ZNF263: variants seen among roughly 807,000 people sequenced by gnomAD.
ZNF263 encodes the protein zinc finger protein 263, also known as zinc finger protein FPM315.
Under a neutral mutation model 63.1 loss-of-function variants are expected in ZNF263, and 49 were observed. The observed-to-expected ratio is 0.78, with a 90% CI of 0.62 to 0.99. The LOEUF is 0.99. Among genes scored for constraint, ZNF263 ranks in the 50% least tolerant of loss-of-function variants. The pLI, the probability that ZNF263 is intolerant of heterozygous loss-of-function variation, is 0.00. For synonymous variants in ZNF263, 352 were observed against 324.2 expected (o/e 1.09, Z -0.92); for missense variants, 872 against 854.8 (o/e 1.02, Z -0.25).
chr16:3,298,948 A>G, intron 1 of ZNF263: 1 of 1,143,954 alleles, frequency 8.7e-7, no homozygotes, highest in Admixed American at 3.1e-5. Flanking sequence ...AATGGCAGAA[A>G]TCTTTAAACA....
In ZNF263 at chr16:3,283,968, A is replaced by G; in HGVS notation, c.150A>G (p.Gln50=). Residue 50 remains glutamine (Q), a synonymous_variant, in exon 1 of 6, where the codon CAA becomes CAG. Transcript: ENST00000219069. ...TGCGCTTCAGACGGTTCCGCTTCCAAGAGGCAGCTGGTCCCCGGGAAGCCC... is the reference window on the plus strand; with the variant it reads ...TGCGCTTCAGACGGTTCCGCTTCCAGGAGGCAGCTGGTCCCCGGGAAGCCC... ...SHLRFRRFRF[Q]EAAGPREALS... is the part of the protein sequence containing the mutation. The G allele has an allele frequency of 4.3e-6, 7 of 1,613,928 alleles. No homozygotes were observed. In the South Asian group the frequency reaches 5.5e-5, roughly 13 times the overall value.
At position 3,285,694 on chromosome 16, in the gene ZNF263, C is replaced by G; in HGVS notation, c.582C>G (p.Pro194=). The change falls in exon 3 of 6, where the codon CCC becomes CCG. Residue 194 remains proline, a synonymous_variant. Transcript: ENST00000219069. ...QAVKERALSA[P]WLSLFPPEGN... is the part of the protein sequence containing the mutation. The stretch of plus-strand genomic sequence containing the variant: ...TGTCACCTTCAGCATTATCTGCTCC[C>G]TGGCTTTCTCTTTTTCCTCCTGAAG... 6.2e-7 allele frequency: 1 copy of G among 1,614,158 alleles called. No individual in the cohort carries two copies. The highest frequency in any genetic ancestry group is 1.3e-5 in the African/African-American group (1 of 75,022).
At chr16:3,296,400 C>T (rs964153593), downstream of ZNF263, among the ~76,000 whole-genome samples, 11 of 152,174 alleles carry the variant, frequency 7.2e-5, no homozygotes, top group East Asian at 1.7e-3. Context: ...CCTCCACTTC[C>T]ACAATCCATC....
intron 1 of ZNF263, among the ~76,000 whole-genome samples, chr16:3,297,973 T>C (rs1162935169): frequency 6.6e-6 from 1 of 152,192 alleles, no homozygotes; most frequent in Non-Finnish European, 1.5e-5. Context: ...ATTGGTGCAT[T>C]GGGAGAAGTA....
chr16:3,289,764 C>T lies in ZNF263; in HGVS notation c.1258C>T (p.Arg420Cys), dbSNP rs371017559. 9.5e-5 allele frequency: 154 copies of T among 1,614,214 alleles called. No homozygotes were observed. The highest frequency in any genetic ancestry group is 1.6e-4 in the Middle Eastern group (1 of 6,062). Residue 420 changes from arginine (R) to cysteine (C), a missense_variant, in exon 6 of 6, where the codon CGT becomes TGT. Coordinates refer to ENST00000219069, the MANE Select transcript of ZNF263 (RefSeq NM_005741.5). ...DCTEIFGGNP[R>C]FLSLHRAHLG... is the part of the protein sequence containing the mutation. ...CACTGAAATCTTTGGTGGGAACCCA[C>T]GTTTCCTGTCACTACACAGAGCACA... is the stretch of plus-strand genomic sequence containing the variant.
downstream of ZNF263, among the ~76,000 whole-genome samples, chr16:3,291,972 C>T (rs893880192): frequency 6.6e-6 from 1 of 152,158 alleles, no homozygotes; most frequent in African/African-American, 2.4e-5. Flanking sequence ...TGGGGTCTCA[C>T]TATTTGCCCA....
chr16:3,300,504 G>A, intron 2 of ZNF263: 1 of 1,613,948 alleles, frequency 6.2e-7, no homozygotes, highest in Middle Eastern at 1.6e-4. Flanking sequence ...TTGACTTACT[G>A]ATTCCAAATT....
intron 2 of ZNF263, 138 bp downstream of exon 2, chr16:3,285,377 C>A: frequency 1.9e-6 from 2 of 1,072,310 alleles, no homozygotes; most frequent in Non-Finnish European, 2.6e-6. Context: ...GAAAGACCTG[C>A]AGTTGGTGGT....
At chr16:3,285,908 C>T (rs1959335201) in intron 3 of ZNF263, 115 bp from the exon 4 acceptor site, 1 of 1,578,580 alleles carries the variant, frequency 6.3e-7, no homozygotes, top group South Asian at 1.1e-5. Context: ...GCCTGATACC[C>T]TTCTTCCCCC....
chr16:3,301,129 T>C (rs1181300881), exon 3 of ZNF263: 1 of 167,682 alleles, frequency 6.0e-6, no homozygotes, highest in Non-Finnish European at 1.5e-5. Flanking sequence ...AGATGCAATG[T>C]GGCTTCTCCC....
At position 3,285,184 on chromosome 16, in the gene ZNF263, G is replaced by A. The variant is rs1959298935; in HGVS notation, c.513G>A (p.Leu171=). Reference sequence around the variant, plus strand: ...CTGAGCGAAGCCCTGGCCCCAGGCTGCAGGAGCTGCTAGGCCCCAGCCCCC... The same window carrying A: ...CTGAGCGAAGCCCTGGCCCCAGGCTACAGGAGCTGCTAGGCCCCAGCCCCC... ...METERSPGPR[L]QELLGPSPQR... is the part of the protein sequence containing the mutation. Residue 171 remains leucine (L), a synonymous_variant, in exon 2 of 6, where the codon CTG becomes CTA. Transcript: ENST00000219069. 6.2e-7 allele frequency: 1 copy of A among 1,613,882 alleles called. No homozygotes were observed.
At chr16:3,285,585 A>G in intron 2 of ZNF263, 96 bp from the exon 3 acceptor site, 2 of 1,270,086 alleles carry the variant, frequency 1.6e-6, no homozygotes, top group African/African-American at 2.9e-5. Flanking sequence ...CCAAAAGCAG[A>G]GGCTGGGTGT....
At chr16:3,286,417 G>A (rs74003349) in intron 4 of ZNF263, 5,137 of 297,844 alleles carry the variant, frequency 0.017, 271 homozygotes, top group African/African-American at 0.1. Context: ...AACCCAATGC[G>A]GTGACAACCT....
In ZNF263 at chr16:3,286,115, G is replaced by A. The variant is rs199602426; in HGVS notation, c.735G>A (p.Thr245=). 4.4e-6 allele frequency: 7 copies of A among 1,606,226 alleles called. No homozygotes were observed. The highest frequency in any genetic ancestry group is 2.2e-5 in the South Asian group (2 of 89,904). The part of the protein sequence containing the change: ...DPSKRALSRD[T]VQESYENVDS... Reference sequence around the variant, plus strand: ...GTAAGAGGGCCCTCTCCAGGGACACGGTGCAGGAGAGTTATGAGAATGTGG... The same window carrying A: ...GTAAGAGGGCCCTCTCCAGGGACACAGTGCAGGAGAGTTATGAGAATGTGG... Residue 245 remains threonine, a synonymous_variant, in exon 4 of 6, where the codon ACG becomes ACA. Coordinates refer to ENST00000219069, the MANE Select transcript of ZNF263 (RefSeq NM_005741.5).
At chr16:3,284,230 A>G (rs1959256704) in intron 1 of ZNF263, 25 bp downstream of exon 1, 1 of 1,505,640 alleles carries the variant, frequency 6.6e-7, no homozygotes, top group Non-Finnish European at 8.9e-7. Flanking sequence ...GAGCTGTTTT[A>G]TCTGTGGTTT....
exon 3 of ZNF263, chr16:3,301,350 T>G (rs1214389736): frequency 6.0e-6 from 1 of 167,140 alleles, no homozygotes; most frequent in Non-Finnish European, 1.5e-5. Context: ...GTTGTACATA[T>G]GAATGAAATC....
downstream of ZNF263, among the ~76,000 whole-genome samples, chr16:3,294,562 T>C (rs1959696208): frequency 6.6e-6 from 1 of 152,226 alleles, no homozygotes; most frequent in South Asian, 2.1e-4. Context: ...ACTTCTGTTC[T>C]TGAAAGGGCG....
intron 4 of ZNF263, 112 bp downstream of exon 4, chr16:3,286,261 A>T: frequency 7.0e-7 from 1 of 1,437,830 alleles, no homozygotes; most frequent in Non-Finnish European, 9.2e-7. Context: ...AAGCCTCCAC[A>T]GGAGACTTCC....
At position 3,285,117 on chromosome 16, in the gene ZNF263, C is replaced by G. The variant is rs200922031; in HGVS notation, c.446C>G (p.Thr149Arg). The G allele has an allele frequency of 1.5e-5, 24 of 1,614,136 alleles. No homozygotes were observed. The highest frequency in any genetic ancestry group is 1.8e-5 in the Non-Finnish European group (21 of 1,180,042). ...TTGGAGGAGCCTTTGCCTCTGGAAA[C>G]AGCACGAGAGTCACCGAGCTTCAAG... Reference protein sequence around the residue: ...VLLEEPLPLETARESPSFKLE... With the variant: ...VLLEEPLPLERARESPSFKLE... Residue 149 changes from threonine (T) to arginine (R), a missense_variant, in exon 2 of 6, where the codon ACA becomes AGA. Physicochemically the swap from Thr to Arg is moderately conservative, Grantham distance 71. Coordinates refer to ENST00000219069, the MANE Select transcript of ZNF263 (RefSeq NM_005741.5).
Sources: gnomAD v4.1 joint callset for allele counts (sites outside exome capture counted in the v4.1 genomes callset) on GRCh38, gnomAD v4.1.1 for gene constraint, MANE v1.5 for transcripts, NCBI Gene and HGNC (gene_info 2026-07-23, HGNC 2026-07-21) for gene names.